MVB12B: variants seen among roughly 807,000 people sequenced by gnomAD.
MVB12B encodes the protein multivesicular body subunit 12B.
A neutral mutation model predicts 41.6 loss-of-function variants in MVB12B; 16 were observed. The ratio of observed to expected loss-of-function variants is 0.38; its 90% CI spans 0.26 to 0.58. MVB12B has a LOEUF of 0.58. Among genes scored for constraint, MVB12B ranks in the 20% least tolerant of loss-of-function variants. MVB12B has a pLI of 0.62. For missense variants in MVB12B, 274 were observed against 380.2 expected, an observed-to-expected ratio of 0.72 and a Z score of 2.32; for synonymous variants, 133 against 139.7, an observed-to-expected ratio of 0.95 and a Z score of 0.34.
chr9:126,357,177 T>C (rs1564287831), intron 2 of MVB12B, among the ~76,000 whole-genome samples: 1 of 152,356 alleles, frequency 6.6e-6, no homozygotes, highest in East Asian at 1.9e-4. Context: ...TGAGATTCAT[T>C]CATATTGTTG....
rs1834078742 is a variant in MVB12B at position 126,506,650 on chromosome 9, G to A, written c.*3387G>A. 2 of 152,380 alleles carry A rather than the reference G, an allele frequency of 1.3e-5. No homozygotes were observed. Among genetic ancestry groups the A allele is most frequent in the East Asian group, 3.9e-4 (2 of 5,186 alleles). 9.4% of individuals were successfully genotyped at this position (152,380 alleles called of 1,614,324 possible). On this transcript the variant is annotated 3_prime_UTR_variant, in exon 10 of 10. Transcript: ENST00000361171. Reference sequence around the variant, plus strand: ...GATGAAAGCAAAGGAGGGCCTTGAGGAAGCAGCCCCCAGGCCTGGCAGCCA... The same window carrying A: ...GATGAAAGCAAAGGAGGGCCTTGAGAAAGCAGCCCCCAGGCCTGGCAGCCA...
At position 126,392,335 on chromosome 9, in the gene MVB12B, C is replaced by A; in HGVS notation, c.539+140C>A. 1.0e-6 allele frequency: 1 copy of A among 960,416 alleles called. No homozygotes were observed. The highest frequency in any genetic ancestry group is 1.6e-6 in the Non-Finnish European group (1 of 641,242). The allele number at this position is 960,416 out of a possible 1,614,324, so 59.5% of individuals were successfully genotyped here. On this transcript the variant is annotated intron_variant, in intron 5 of 9. Transcript: ENST00000361171. This position sits in a 1 kb window ranked among gnomAD's most constrained non-coding sequence, Gnocchi z 4.8. ...GCCTCTGTCAGCCCAGTGCTCCTCG[C>A]TGCCCTTCCTGCTCAGCTGCGGTCT... is the stretch of plus-strand genomic sequence containing the variant.
At chr9:126,354,502 AGTT>A (rs1829830592) in intron 2 of MVB12B, among the ~76,000 whole-genome samples, 1 of 152,254 alleles carries the variant, frequency 6.6e-6, no homozygotes, top group Non-Finnish European at 1.5e-5. Context: ...TCCACAAAAT[AGTT>A]GTTAATTACA....
chr9:126,455,887 CTTTTTTTTTTT>C (rs3983803), intron 7 of MVB12B, among the ~76,000 whole-genome samples: 3 of 103,052 alleles, frequency 2.9e-5, no homozygotes, highest in Non-Finnish European at 5.5e-5. Context: ...TTCTTTCTTT[CTTTTTTTTTTT>C]TTTTTTTTTT....
At position 126,503,197 on chromosome 9, in the gene MVB12B, A is replaced by G. The variant is rs1183936578; in HGVS notation, c.894A>G (p.Thr298=). The change falls in exon 10 of 10, where the codon ACA becomes ACG. Residue 298 remains threonine, a synonymous_variant. Transcript: ENST00000361171. ...IEKEYEYSFR[T]EQSAAARLPP... ...TGCAGTACGAGTACAGCTTCCGCAC[A>G]GAGCAGAGCGCAGCCGCCAGGCTCC... 2.6e-5 allele frequency: 41 copies of G among 1,550,784 alleles called. No individual in the cohort carries two copies. Among genetic ancestry groups the G allele is most frequent in the Non-Finnish European group, 3.4e-5 (39 of 1,147,108 alleles).
chr9:126,386,435 C>G lies in MVB12B; in HGVS notation c.313-127C>G. ...TGGGGACCATTAAGTGTCACCTACT[C>G]TAATTAACCTGCTGTCATAAAGCTG... On this transcript the variant is annotated intron_variant, in intron 3 of 9. Coordinates refer to ENST00000361171, the MANE Select transcript of MVB12B (RefSeq NM_033446.3). This position sits in a 1 kb window ranked among gnomAD's most constrained non-coding sequence, Gnocchi z 4.3. 3.1e-6 allele frequency: 2 copies of G among 649,720 alleles called. No individual in the cohort carries two copies. 40.2% of individuals were successfully genotyped at this position (649,720 alleles called of 1,614,324 possible).
intron 1 of MVB12B, among the ~76,000 whole-genome samples, chr9:126,339,032 G>T (rs1017290555): frequency 9.9e-5 from 15 of 152,200 alleles, no homozygotes; most frequent in South Asian, 4.1e-4. Context: ...GAAGAATTAG[G>T]TAAAGCATAA....
At chr9:126,406,068 G>A (rs184388450) in intron 6 of MVB12B, among the ~76,000 whole-genome samples, 61 of 150,262 alleles carry the variant, frequency 4.1e-4, no homozygotes, top group Middle Eastern at 3.5e-3. Context: ...TTTTTGAGAC[G>A]AAGTCTTGCT....
intron 7 of MVB12B, among the ~76,000 whole-genome samples, chr9:126,461,947 C>T (rs576349132): frequency 6.6e-6 from 1 of 152,220 alleles, no homozygotes; most frequent in Non-Finnish European, 1.5e-5. Context: ...ATTTCCCTGA[C>T]GTTACCATTA....
chr9:126,378,788 T>C (rs978099050), intron 2 of MVB12B, among the ~76,000 whole-genome samples: 5 of 152,188 alleles, frequency 3.3e-5, no homozygotes, highest in African/African-American at 1.2e-4. Flanking sequence ...AGACAAGGAC[T>C]GGGAGGCTCT....
At chr9:126,346,723 A>T (rs1829599171) in intron 2 of MVB12B, among the ~76,000 whole-genome samples, 1 of 152,190 alleles carries the variant, frequency 6.6e-6, no homozygotes, top group Non-Finnish European at 1.5e-5. Context: ...GATGGGTAGA[A>T]GAGGAGGCAC....
Position 126,504,719 on chromosome 9 carries a change from C to G in MVB12B, c.*1456C>G, listed in dbSNP as rs1163443034. 6.5e-6 allele frequency: 1 copy of G among 152,826 alleles called. No individual in the cohort carries two copies. The highest frequency in any genetic ancestry group is 1.5e-5 in the Non-Finnish European group (1 of 68,210). 9.5% of individuals were successfully genotyped at this position (152,826 alleles called of 1,614,324 possible). On this transcript the variant is annotated 3_prime_UTR_variant, in exon 10 of 10. Coordinates refer to ENST00000361171, the MANE Select transcript of MVB12B (RefSeq NM_033446.3). ...GGCCTCTTTGTGGACCCATCTTCCT[C>G]CTCTGCCACCCCGATCTTCACTCGG...
intron 7 of MVB12B, among the ~76,000 whole-genome samples, chr9:126,430,115 T>C (rs1832291642): frequency 6.6e-6 from 1 of 152,158 alleles, no homozygotes; most frequent in Admixed American, 6.5e-5. Context: ...TGACCAGGCT[T>C]TTCTAGCCTC....
chr9:126,412,545 C>T (rs904318426), intron 6 of MVB12B, among the ~76,000 whole-genome samples: 1 of 152,218 alleles, frequency 6.6e-6, no homozygotes, highest in Non-Finnish European at 1.5e-5. Context: ...CTCTTCTACT[C>T]TCCCAACCAC....
At position 126,503,464 on chromosome 9, in the gene MVB12B, T is replaced by C; in HGVS notation, c.*201T>C. The C allele has an allele frequency of 6.7e-6, 4 of 597,092 alleles. No individual in the cohort carries two copies. The highest frequency in any genetic ancestry group is 2.8e-5 in the East Asian group (1 of 36,116). 37.0% of individuals were successfully genotyped at this position (597,092 alleles called of 1,614,324 possible). On this transcript the variant is annotated 3_prime_UTR_variant, in exon 10 of 10. Transcript: ENST00000361171. The stretch of plus-strand genomic sequence containing the variant: ...TGACACCCCGGCCTCCCTGGGGACA[T>C]TGTTCATAACCATGACTAATCTGTG...
chr9:126,476,502 A>C lies in MVB12B; in HGVS notation c.758-4867A>C, dbSNP rs75777132. Among the ~76,000 whole-genome samples, 548 of 152,340 alleles carry C rather than the reference A, an allele frequency of 3.6e-3. 9 individuals carry two copies. In the East Asian group the frequency reaches 0.042, roughly 12 times the overall value. On this transcript the variant is annotated intron_variant, in intron 7 of 9. Coordinates refer to ENST00000361171, the MANE Select transcript of MVB12B (RefSeq NM_033446.3). ...TAAGGGAGGGCCTTGTCCTAATCAT[A>C]TGTGGGTGTGTGTATGCATATGCAT...
intron 6 of MVB12B, among the ~76,000 whole-genome samples, chr9:126,400,559 C>T (rs1024270709): frequency 2.0e-5 from 3 of 152,178 alleles, no homozygotes; most frequent in Non-Finnish European, 4.4e-5. Flanking sequence ...GGCAGAACTA[C>T]GTGTTAGGGT....
rs1325139514 is a variant in MVB12B, at chr9:126,436,582, T to C, written c.757+14634T>C. On this transcript the variant is annotated intron_variant, in intron 7 of 9. Transcript: ENST00000361171. The surrounding 1 kb of genome is among the most constrained non-coding windows in gnomAD (Gnocchi z 4.1). ...TTTGTAAATGCTTTAGCTACATGTATGTGTATGTATGCAACTTGCAGCTGT... is the reference window on the plus strand; with the variant it reads ...TTTGTAAATGCTTTAGCTACATGTACGTGTATGTATGCAACTTGCAGCTGT... 6.6e-6 allele frequency among the ~76,000 whole-genome samples: 1 copy of C among 152,244 alleles called. No individual in the cohort carries two copies. Among genetic ancestry groups the C allele is most frequent in the Non-Finnish European group, 1.5e-5 (1 of 68,050 alleles).
chr9:126,391,965 T>G lies in MVB12B; in HGVS notation c.410-101T>G, dbSNP rs1830968720. ...CCAGCAGCTTAGGTGACCTGCCACTTCTGCTGCCAGGAATAGGGCGTGACA... is the reference window on the plus strand; with the variant it reads ...CCAGCAGCTTAGGTGACCTGCCACTGCTGCTGCCAGGAATAGGGCGTGACA... On this transcript the variant is annotated intron_variant, in intron 4 of 9. Transcript: ENST00000361171. The surrounding 1 kb of genome is among the most constrained non-coding windows in gnomAD (Gnocchi z 4.4). 1 of 1,406,696 alleles carries G rather than the reference T, an allele frequency of 7.1e-7. No homozygotes were observed. The highest frequency in any genetic ancestry group is 1.2e-5 in the South Asian group (1 of 80,242). The allele number at this position is 1,406,696 out of a possible 1,614,324, so 87.1% of individuals were successfully genotyped here.
Sources: allele counts gnomAD v4.1 joint callset (sites outside exome capture counted in the v4.1 genomes callset), GRCh38; gene constraint gnomAD v4.1.1; non-coding constraint Gnocchi (gnomAD v3.1); transcripts MANE v1.5; gene names NCBI Gene and HGNC (gene_info 2026-07-23, HGNC 2026-07-21).